KCNMB2: variants seen among roughly 807,000 people sequenced by gnomAD.
KCNMB2 encodes calcium-activated potassium channel subunit beta-2.
A neutral mutation model predicts 24.5 loss-of-function variants in KCNMB2; 9 were observed. The ratio of observed to expected loss-of-function variants is 0.37; its 90% CI spans 0.22 to 0.64. The LOEUF is 0.64. Among genes scored for constraint, KCNMB2 ranks in the 30% least tolerant of loss-of-function variants. The pLI is 0.63. For missense variants in KCNMB2, 226 were observed against 284.3 expected, an observed-to-expected ratio of 0.79 and a Z score of 1.47; for synonymous variants, 109 against 104.4, an observed-to-expected ratio of 1.04 and a Z score of -0.27.
intron 1 of KCNMB2, among the ~76,000 whole-genome samples, chr3:178,670,138 C>T (rs1720851529): frequency 6.6e-6 from 1 of 152,110 alleles, no homozygotes; most frequent in South Asian, 2.1e-4. Flanking sequence ...ATCATCACTG[C>T]CAATAAATAC....
At chr3:178,620,033 T>C (rs1718852034) in intron 1 of KCNMB2, among the ~76,000 whole-genome samples, 1 of 152,210 alleles carries the variant, frequency 6.6e-6, no homozygotes, top group South Asian at 2.1e-4. Flanking sequence ...TTCTCATTAA[T>C]CTTCACAATA....
At chr3:178,563,635 G>A (rs949974155) in intron 1 of KCNMB2, among the ~76,000 whole-genome samples, 1 of 152,174 alleles carries the variant, frequency 6.6e-6, no homozygotes, top group African/African-American at 2.4e-5. Context: ...ATCAATTGAA[G>A]TCATAAATTA....
At chr3:178,645,932 G>A (rs1719905725) in intron 1 of KCNMB2, among the ~76,000 whole-genome samples, 1 of 152,162 alleles carries the variant, frequency 6.6e-6, no homozygotes, top group Admixed American at 6.5e-5. Context: ...CTGCTTGAAG[G>A]GGGACAGGAG....
chr3:178,731,798 G>A (rs1723159464), intron 1 of KCNMB2, among the ~76,000 whole-genome samples: 1 of 152,196 alleles, frequency 6.6e-6, no homozygotes, highest in African/African-American at 2.4e-5. Context: ...AGCTACTCGG[G>A]AGGCTAAGGC....
intron 1 of KCNMB2, among the ~76,000 whole-genome samples, chr3:178,634,137 A>G (rs1009077469): frequency 6.6e-6 from 1 of 152,156 alleles, no homozygotes; most frequent in Non-Finnish European, 1.5e-5. Flanking sequence ...GAGCCCTCCA[A>G]GTCTCTAGAA....
chr3:178,584,514 G>A lies in KCNMB2; in HGVS notation c.-68+47803G>A, dbSNP rs190705603. On this transcript the variant is annotated intron_variant, in intron 1 of 4. Coordinates refer to ENST00000452583, the MANE Select transcript of KCNMB2 (RefSeq NM_181361.3). ...TGTTGTGAAAAGTAATGACTGAATA[G>A]GTAAAAGCACCTAGAACAGTGCCTG... Among the ~76,000 whole-genome samples the A allele has an allele frequency of 6.1e-5, 9 of 147,534 alleles. No homozygotes were observed. The East Asian group carries it at 1.9e-3, about 31-fold the overall frequency.
chr3:178,711,790 A>G (rs763567852), intron 1 of KCNMB2, among the ~76,000 whole-genome samples: 20 of 152,232 alleles, frequency 1.3e-4, no homozygotes, highest in Non-Finnish European at 2.9e-4. Context: ...GGCTTAACGT[A>G]GTGCAGAAAG....
chr3:178,755,162 G>C (rs999848292), intron 1 of KCNMB2, among the ~76,000 whole-genome samples: 3 of 152,156 alleles, frequency 2.0e-5, no homozygotes, highest in African/African-American at 7.2e-5. Context: ...CCTCCATCTG[G>C]GGCAGCAGCA....
intron 1 of KCNMB2, among the ~76,000 whole-genome samples, chr3:178,703,777 T>G (rs187313291): frequency 2.0e-5 from 3 of 152,360 alleles, no homozygotes; most frequent in Admixed American, 6.5e-5. Context: ...AGCTTTTCCA[T>G]GTGGAACCCA....
chr3:178,730,646 C>T (rs1723119196), intron 1 of KCNMB2, among the ~76,000 whole-genome samples: 1 of 152,174 alleles, frequency 6.6e-6, no homozygotes, highest in Non-Finnish European at 1.5e-5. Flanking sequence ...CTTATGAGAG[C>T]TCAATCCTGC....
intron 2 of KCNMB2, among the ~76,000 whole-genome samples, chr3:178,819,250 T>C (rs1312479465): frequency 1.3e-5 from 2 of 152,228 alleles, no homozygotes; most frequent in Non-Finnish European, 2.9e-5. Context: ...TTGTCATCAG[T>C]CATTTTGATG....
chr3:178,807,395 C>T lies in KCNMB2; in HGVS notation c.-15C>T. On this transcript the variant is annotated 5_prime_UTR_variant, in exon 2 of 5. Coordinates refer to ENST00000452583, the MANE Select transcript of KCNMB2 (RefSeq NM_181361.3). ...CACCATAAGGAAAGGAGACCCTGGA[C>T]CAACATTCTCTAAGATGTTTATATG... 1 of 1,612,486 alleles carries T rather than the reference C, an allele frequency of 6.2e-7. No homozygotes were observed. The highest frequency in any genetic ancestry group is 1.7e-5 in the Admixed American group (1 of 59,936).
At chr3:178,547,156 GC>G (rs1346494036) in intron 1 of KCNMB2, among the ~76,000 whole-genome samples, 1 of 152,118 alleles carries the variant, frequency 6.6e-6, no homozygotes, top group Non-Finnish European at 1.5e-5. Flanking sequence ...GACGAGTTGG[GC>G]CCCCTTTTCC....
At chr3:178,621,441 T>C (rs1448208504) in intron 1 of KCNMB2, among the ~76,000 whole-genome samples, 2 of 152,094 alleles carry the variant, frequency 1.3e-5, no homozygotes, top group Non-Finnish European at 2.9e-5. Context: ...TCTTTGTTCA[T>C]TATTTCTTTG....
chr3:178,575,203 GAGA>G (rs1716948621), intron 1 of KCNMB2, among the ~76,000 whole-genome samples: 1 of 152,106 alleles, frequency 6.6e-6, no homozygotes, highest in African/African-American at 2.4e-5. Flanking sequence ...AATATCTAAC[GAGA>G]ATGGGAGTGA....
chr3:178,565,078 TAAC>T lies in KCNMB2; in HGVS notation c.-68+28368_-68+28370del, dbSNP rs1428236548. Among the ~76,000 whole-genome samples the T allele has an allele frequency of 5.9e-5, 9 of 152,260 alleles. No individual in the cohort carries two copies. The East Asian group carries it at 1.5e-3, about 26-fold the overall frequency. ...ACAAAAATATCATAAGTAGAAAAAT[TAAC>T]TTTTTATTAATAAAGTATATATACA... On this transcript the variant is annotated intron_variant, in intron 1 of 4. Transcript: ENST00000452583.
Position 178,813,242 on chromosome 3 carries a change from T to C in KCNMB2, c.56+5777T>C, listed in dbSNP as rs142317797. ...CATTGAATTTATTGACTAACTGAAT[T>C]GTTTTAAATATTGAGTCTCCACATC... is the stretch of plus-strand genomic sequence containing the variant. On this transcript the variant is annotated intron_variant, in intron 2 of 4. Coordinates refer to ENST00000452583, the MANE Select transcript of KCNMB2 (RefSeq NM_181361.3). Among the ~76,000 whole-genome samples, 454 of 152,280 alleles carry C rather than the reference T, an allele frequency of 3.0e-3. 3 individuals carry two copies. The highest frequency in any genetic ancestry group is 0.011 in the African/African-American group (439 of 41,564).
chr3:178,621,170 C>A (rs1244299013), intron 1 of KCNMB2, among the ~76,000 whole-genome samples: 1 of 152,114 alleles, frequency 6.6e-6, no homozygotes, highest in Non-Finnish European at 1.5e-5. Context: ...AGGCCCAAAA[C>A]AATAGAGCCT....
intron 1 of KCNMB2, among the ~76,000 whole-genome samples, chr3:178,719,166 CT>C (rs1281196247): frequency 1.3e-5 from 2 of 152,172 alleles, no homozygotes; most frequent in Admixed American, 6.5e-5. Flanking sequence ...TTGCTTTATT[CT>C]TTTCCTTAAC....
Sources: gnomAD v4.1 joint callset for allele counts (sites outside exome capture counted in the v4.1 genomes callset) on GRCh38, gnomAD v4.1.1 for gene constraint, MANE v1.5 for transcripts, NCBI Gene and HGNC (gene_info 2026-07-23, HGNC 2026-07-21) for gene names.